Variants in SMCO2 observed in about 807,000 individuals in gnomAD.
SMCO2 encodes single-pass membrane and coiled-coil domain-containing protein 2.
Under a neutral mutation model 29.5 loss-of-function variants are expected in SMCO2, and 25 were observed. The ratio of observed to expected loss-of-function variants is 0.85; its 90% CI spans 0.62 to 1.18. The LOEUF is 1.18. Among genes scored for constraint, SMCO2 ranks in the 50% most tolerant of loss-of-function variants. The probability of loss-of-function intolerance (pLI) is 0.00; values close to 1 mark genes in which losing one functional copy is unlikely to be tolerated. For missense variants in SMCO2, 348 were observed against 344.5 expected (o/e 1.01, Z -0.08); for synonymous variants, 117 against 123.3 (o/e 0.95, Z 0.34).
chr12:27,432,955 T>C, the SMCO2 span, among the ~76,000 whole-genome samples: 3 of 152,228 alleles, frequency 2.0e-5, no homozygotes. Context: ...TCTATTAAAA[T>C]ACTATGAAAT....
At chr12:27,438,430 T>C in the SMCO2 span, among the ~76,000 whole-genome samples, 10 of 152,352 alleles carry the variant, frequency 6.6e-5, no homozygotes, top group African/African-American at 2.4e-4. Context: ...TCTGTTAATA[T>C]GTTCCAGGGA....
the SMCO2 span, among the ~76,000 whole-genome samples, chr12:27,427,191 G>GT: frequency 6.6e-6 from 1 of 152,166 alleles, no homozygotes; most frequent in Non-Finnish European, 1.5e-5. Context: ...TACTCTGGCA[G>GT]TTTTTTCCTA....
chr12:27,465,702 G>A (rs1398463792), upstream of SMCO2, among the ~76,000 whole-genome samples: 1 of 152,192 alleles, frequency 6.6e-6, no homozygotes, highest in Non-Finnish European at 1.5e-5. Context: ...CTCACCTGGT[G>A]CCTTTAACTT....
chr12:27,493,122 G>T lies in SMCO2; in HGVS notation c.451-1178G>T, dbSNP rs552542664. On this transcript the variant is annotated intron_variant, in intron 5 of 7. Transcript: ENST00000298876. ...CACATTTTCTCATTTATAAGTGGGA[G>T]CCAAATGATGAGAATTTATGAACAC... Among the ~76,000 whole-genome samples the T allele has an allele frequency of 5.9e-5, 9 of 152,200 alleles. No homozygotes were observed. The South Asian group carries it at 1.9e-3, about 32-fold the overall frequency.
chr12:27,446,612 C>CT, the SMCO2 span: 3 of 152,178 alleles, frequency 2.0e-5, no homozygotes, highest in Admixed American at 1.3e-4. Context: ...CTATGGGACT[C>CT]TATCAAGATG....
chr12:27,498,371 A>G, intron 7 of SMCO2: 1 of 223,520 alleles, frequency 4.5e-6, no homozygotes, highest in Non-Finnish European at 9.3e-6. Flanking sequence ...GATACAACAA[A>G]AGATTTTAGA....
In SMCO2 at chr12:27,492,209, A is replaced by G. The variant is rs370320377; in HGVS notation, c.451-2091A>G. Among the ~76,000 whole-genome samples, 16 of 152,036 alleles carry G rather than the reference A, an allele frequency of 1.1e-4. No individual in the cohort carries two copies. The East Asian group carries it at 2.3e-3, about 22-fold the overall frequency. On this transcript the variant is annotated intron_variant, in intron 5 of 7. Transcript: ENST00000298876. ...TTGCAACTGCTATGGCACTTAGCGT[A>G]TTTTCTTCAACAATTTTCTATGCTA...
chr12:27,470,753 G>A (rs1356507633), exon 2 of SMCO2: 1 of 1,550,762 alleles, frequency 6.4e-7, no homozygotes, highest in South Asian at 1.2e-5. Context: ...GTGACTGAAG[G>A]TGCAATGCAG....
intron 4 of SMCO2, among the ~76,000 whole-genome samples, chr12:27,481,275 A>G (rs527750510): frequency 6.6e-6 from 1 of 152,334 alleles, no homozygotes; most frequent in East Asian, 1.9e-4. Context: ...AACAGTTATC[A>G]CATGGACTCC....
At chr12:27,478,238 T>C (rs909869702) in intron 4 of SMCO2, among the ~76,000 whole-genome samples, 1 of 152,192 alleles carries the variant, frequency 6.6e-6, no homozygotes, top group Non-Finnish European at 1.5e-5. Context: ...TTGTGGAGGC[T>C]GTGGCAAACT....
At chr12:27,428,622 G>A in the SMCO2 span, among the ~76,000 whole-genome samples, 1 of 151,130 alleles carries the variant, frequency 6.6e-6, no homozygotes, top group Non-Finnish European at 1.5e-5. Context: ...ATTGCTTAAG[G>A]CATTGTGTGT....
intron 4 of SMCO2, 105 bp downstream of exon 5, chr12:27,475,836 G>T: frequency 9.0e-7 from 1 of 1,106,718 alleles, no homozygotes; most frequent in South Asian, 2.6e-5. Context: ...TAGGCCATAG[G>T]TATACTTTCT....
intron 4 of SMCO2, among the ~76,000 whole-genome samples, chr12:27,487,492 T>C (rs927008161): frequency 3.9e-5 from 6 of 152,190 alleles, no homozygotes; most frequent in African/African-American, 1.4e-4. Context: ...AAATGTGTAA[T>C]TTCCAGTTTG....
intron 2 of SMCO2, 65 bp from the exon 3 acceptor site, chr12:27,472,711 G>T (rs779801133): frequency 7.9e-5 from 97 of 1,224,456 alleles, no homozygotes; most frequent in Non-Finnish European, 9.3e-5. Context: ...GAAAGGAGTA[G>T]TGCAGGCCCA....
intron 4 of SMCO2, among the ~76,000 whole-genome samples, chr12:27,480,927 C>T (rs777600166): frequency 6.6e-6 from 1 of 152,174 alleles, no homozygotes; most frequent in Non-Finnish European, 1.5e-5. Flanking sequence ...CAGACTAACA[C>T]ACTGTCAGTG....
chr12:27,486,525 TG>T (rs1949690487), intron 4 of SMCO2, among the ~76,000 whole-genome samples: 1 of 152,230 alleles, frequency 6.6e-6, no homozygotes, highest in African/African-American at 2.4e-5. Context: ...TTGTTTAAAA[TG>T]GGAGGCTAAA....
intron 5 of SMCO2, 39 bp downstream of exon 6, chr12:27,488,586 T>C (rs1288101277): frequency 2.1e-6 from 3 of 1,429,306 alleles, no homozygotes; most frequent in Admixed American, 2.4e-5. Flanking sequence ...AGGTTGGGGA[T>C]TTCTGTCACT....
At chr12:27,450,265 G>A in the SMCO2 span, among the ~76,000 whole-genome samples, 2 of 152,102 alleles carry the variant, frequency 1.3e-5, no homozygotes, top group African/African-American at 4.8e-5. Flanking sequence ...TTGGGAAGGA[G>A]GCAGGCACCC....
chr12:27,436,938 CA>C, the SMCO2 span, among the ~76,000 whole-genome samples: 1 of 152,212 alleles, frequency 6.6e-6, no homozygotes, highest in East Asian at 1.9e-4. Context: ...ATTGCCCTTA[CA>C]AAAGATGACT....
Sources: allele counts gnomAD v4.1 joint callset (sites outside exome capture counted in the v4.1 genomes callset), GRCh38; gene constraint gnomAD v4.1.1; transcripts MANE v1.5; gene names NCBI Gene and HGNC (gene_info 2026-07-23, HGNC 2026-07-21).